NT5C1B: variants seen among roughly 807,000 people sequenced by gnomAD.
NT5C1B encodes 5'-nucleotidase, cytosolic IB.
In NT5C1B, 44 loss-of-function variants were observed where a neutral mutation model predicts 57.8. That is an observed-to-expected ratio of 0.76 (90% CI 0.60 to 0.98). The LOEUF (loss-of-function observed/expected upper bound fraction) is 0.98. NT5C1B is among the 50% of genes least tolerant of loss of function. NT5C1B has a pLI of 0.00. For missense variants in NT5C1B, 742 were observed against 719.5 expected, an observed-to-expected ratio of 1.03 and a Z score of -0.36; for synonymous variants, 284 against 282.6, an observed-to-expected ratio of 1.00 and a Z score of -0.05.
chr2:18,582,222 A>G (rs1054400909), intron 6 of NT5C1B, among the ~76,000 whole-genome samples: 1 of 152,240 alleles, frequency 6.6e-6, no homozygotes, highest in Non-Finnish European at 1.5e-5. Flanking sequence ...CTCATAACTT[A>G]TATCTCGATT....
chr2:18,564,811 A>G (rs1476231133), intron 8 of NT5C1B, among the ~76,000 whole-genome samples: 1 of 152,172 alleles, frequency 6.6e-6, no homozygotes, highest in African/African-American at 2.4e-5. Context: ...GGATTGTTCA[A>G]TAATCTGTGT....
Position 18,572,083 on chromosome 2 carries a change from C to CAA in NT5C1B, c.1329+4099_1329+4100dup, listed in dbSNP as rs34186303. On this transcript the variant is annotated intron_variant, in intron 8 of 8. Coordinates refer to ENST00000304081, the Ensembl canonical transcript of NT5C1B. ...ACTGGGCGACAGAGCGAGACTCTGT[C>CAA]AAAAAAAAAAAAAAAAAAAAGAACT... Among the ~76,000 whole-genome samples the CAA allele has an allele frequency of 1.0e-4, 10 of 97,394 alleles. No individual in the cohort carries two copies. In the East Asian group the frequency reaches 1.6e-3, roughly 16 times the overall value. The allele number at this position is 97,394 out of a possible 152,430, so 63.9% of individuals were successfully genotyped here.
intron 8 of NT5C1B, among the ~76,000 whole-genome samples, chr2:18,575,157 T>C (rs1665563488): frequency 1.3e-5 from 2 of 152,070 alleles, no homozygotes; most frequent in South Asian, 4.1e-4. Context: ...TTTCCACATT[T>C]CAATAATGGT....
At chr2:18,586,306 G>A in exon 3 of NT5C1B, 2 of 1,614,138 alleles carry the variant, frequency 1.2e-6, no homozygotes, top group Non-Finnish European at 1.7e-6. Flanking sequence ...AGCCTTGGTG[G>A]ATGGGCTCCG....
At chr2:18,587,678 A>G (rs1384172664) in intron 1 of NT5C1B, 86 bp from the exon 2 acceptor site, 2 of 1,453,306 alleles carry the variant, frequency 1.4e-6, no homozygotes, top group Non-Finnish European at 1.8e-6. Flanking sequence ...GATAAAGAAA[A>G]CACAAAATTT....
chr2:18,587,062 G>T, intron 2 of NT5C1B: 1 of 1,614,096 alleles, frequency 6.2e-7, no homozygotes, highest in Admixed American at 1.7e-5. Context: ...CGTATTGTGT[G>T]GCAGGGGCCA....
exon 9 of NT5C1B, chr2:18,563,644 A>AAGGTTTT: frequency 1.2e-6 from 1 of 804,192 alleles, no homozygotes; most frequent in Non-Finnish European, 1.8e-6. Flanking sequence ...GAGGGTTCAA[A>AAGGTTTT]AGGTTTTCCA....
chr2:18,575,550 T>C lies in NT5C1B; in HGVS notation c.1329+634A>G, dbSNP rs76476849. Among the ~76,000 whole-genome samples the C allele has an allele frequency of 7.0e-3, 1,060 of 152,292 alleles. 13 individuals are homozygous for C. The highest frequency in any genetic ancestry group is 0.024 in the African/African-American group (1,014 of 41,558). ...AGATTCAGATTAAGTGACATTTTGA[T>C]TTCAGATTTCCTTTTGTTCAAAAGT... is the stretch of plus-strand genomic sequence containing the variant. On this transcript the variant is annotated intron_variant, in intron 8 of 8. Coordinates refer to ENST00000304081, the Ensembl canonical transcript of NT5C1B.
chr2:18,583,887 G>A, intron 5 of NT5C1B: 1 of 826,978 alleles, frequency 1.2e-6, no homozygotes, highest in Non-Finnish European at 2.0e-6. Context: ...CCAAATCTAG[G>A]GCTGTGGGCT....
At chr2:18,565,580 T>G (rs889893057) in intron 8 of NT5C1B, among the ~76,000 whole-genome samples, 1 of 152,180 alleles carries the variant, frequency 6.6e-6, no homozygotes, top group African/African-American at 2.4e-5. Context: ...ATGCCACCTC[T>G]TCCATCACTT....
chr2:18,585,112 A>G, intron 3 of NT5C1B, 134 bp from the exon 4 acceptor site: 3 of 1,175,988 alleles, frequency 2.6e-6, no homozygotes, highest in Non-Finnish European at 3.8e-6. Flanking sequence ...AGTAGGGCTT[A>G]AGGGACTCGG....
intron 2 of NT5C1B, chr2:18,587,264 C>T (rs1666805059): frequency 4.7e-5 from 70 of 1,505,104 alleles, no homozygotes; most frequent in Non-Finnish European, 6.0e-5. Context: ...CCTGTGTAGG[C>T]TGAGCAGAGG....
chr2:18,572,083 CAAAAAAAAAAAA>C (rs34186303), intron 8 of NT5C1B, among the ~76,000 whole-genome samples: 1 of 97,440 alleles, frequency 1.0e-5, no homozygotes, highest in South Asian at 3.5e-4. Context: ...GAGACTCTGT[CAAAAAAAAAAAA>C]AAAAAAAAGA....
intron 8 of NT5C1B, among the ~76,000 whole-genome samples, chr2:18,569,749 C>G (rs181986390): frequency 1.3e-5 from 2 of 152,076 alleles, no homozygotes; most frequent in East Asian, 3.9e-4. Context: ...GATAAATTCT[C>G]AAATATATTT....
chr2:18,565,329 T>C (rs1409748307), intron 8 of NT5C1B, among the ~76,000 whole-genome samples: 1 of 152,206 alleles, frequency 6.6e-6, no homozygotes, highest in Non-Finnish European at 1.5e-5. Flanking sequence ...GTCCTCTGCA[T>C]GTTGGCCGAA....
In NT5C1B at chr2:18,576,373, T is replaced by C. The variant is rs549454159; in HGVS notation, c.1145-5A>G. On this transcript the variant is annotated splice_polypyrimidine_tract_variant and splice_region_variant and intron_variant, in intron 7 of 8. Coordinates refer to ENST00000304081, the Ensembl canonical transcript of NT5C1B. ...ACATTGTCGCAGAGGCAATACCTGATAGATCATGGAGACTGATTAATACTC... is the reference window on the plus strand; with the variant it reads ...ACATTGTCGCAGAGGCAATACCTGACAGATCATGGAGACTGATTAATACTC... 4.3e-6 allele frequency: 7 copies of C among 1,610,112 alleles called. No homozygotes were observed. In the African/African-American group the frequency reaches 5.4e-5, roughly 12 times the overall value.
chr2:18,574,096 G>T (rs890354673), intron 8 of NT5C1B, among the ~76,000 whole-genome samples: 4 of 152,072 alleles, frequency 2.6e-5, no homozygotes, highest in East Asian at 1.9e-4. Flanking sequence ...TCCAAAATAT[G>T]CAAGGAATTC....
exon 9 of NT5C1B, chr2:18,564,025 A>G: frequency 1.2e-6 from 2 of 1,614,124 alleles, no homozygotes; most frequent in African/African-American, 2.7e-5. Flanking sequence ...AGCTGTAACC[A>G]GGTAGGTCCT....
At position 18,587,115 on chromosome 2, in the gene NT5C1B, G is replaced by A. The variant is rs761864130; in HGVS notation, c.120+388C>T. The A allele has an allele frequency of 8.1e-6, 13 of 1,614,092 alleles. No individual in the cohort carries two copies. The highest frequency in any genetic ancestry group is 3.3e-5 in the Admixed American group (2 of 60,016). On this transcript the variant is annotated intron_variant, in intron 2 of 8. Transcript: ENST00000304081. ...TGCACAAAGGCAGCGTCTACACGAC[G>A]AGTGACCCTGGAAGGGGCAACATCT...
Sources: gnomAD v4.1 joint callset for allele counts (sites outside exome capture counted in the v4.1 genomes callset) on GRCh38, gnomAD v4.1.1 for gene constraint, MANE v1.5 for transcripts, NCBI Gene and HGNC (gene_info 2026-07-23, HGNC 2026-07-21) for gene names.